HLTF: variants seen among roughly 807,000 people sequenced by gnomAD.
HLTF encodes helicase like transcription factor, also known as DNA-dependent ATPase/E3 ubiquitin-protein ligase HLTF.
In HLTF, 127 loss-of-function variants were observed where a neutral mutation model predicts 129.4. That is an observed-to-expected ratio of 0.98 (90% CI 0.85 to 1.14). HLTF has a LOEUF of 1.14. Ranked by LOEUF, HLTF falls within the 50% of genes most tolerant of loss-of-function variation. The pLI is 0.00. For missense variants in HLTF, 1,139 were observed against 1,187.1 expected, an observed-to-expected ratio of 0.96 and a Z score of 0.60; for synonymous variants, 332 against 388.8, an observed-to-expected ratio of 0.85 and a Z score of 1.72.
At chr3:149,037,862 CT>C (rs375452014) in intron 23 of HLTF, among the ~76,000 whole-genome samples, 133 of 152,268 alleles carry the variant, frequency 8.7e-4, no homozygotes, top group African/African-American at 3.1e-3. Flanking sequence ...CAAACAGCCC[CT>C]TTGTACACGT....
chr3:149,075,952 A>C lies in HLTF; in HGVS notation c.324T>G (p.Val108=), dbSNP rs768433348. 1.9e-6 allele frequency: 3 copies of C among 1,595,490 alleles called. No individual in the cohort carries two copies. The highest frequency in any genetic ancestry group is 2.2e-5 in the South Asian group (2 of 90,518). Reference sequence around the variant, plus strand: ...CTGCAAGCTCTTTCTTTAAATGGCCAACTTGATTTCCATTCACATTGTTTA... The same window carrying C: ...CTGCAAGCTCTTTCTTTAAATGGCCCACTTGATTTCCATTCACATTGTTTA... ...IKVNNVNGNQ[V]GHLKKELAGA... is the part of the protein sequence containing the mutation. The change falls in exon 3 of 25, where the codon GTT becomes GTG. Residue 108 remains valine (V), a synonymous_variant. Transcript: ENST00000310053.
chr3:149,062,916 A>G, intron 10 of HLTF: 1 of 245,036 alleles, frequency 4.1e-6, no homozygotes. Flanking sequence ...CATTTCTTTT[A>G]TAGGTCAGTA....
intron 1 of HLTF, 92 bp downstream of exon 1, chr3:149,086,225 G>A (rs1720402514): frequency 1.5e-6 from 2 of 1,323,410 alleles, no homozygotes; most frequent in South Asian, 1.2e-5. Context: ...AAATCGCCCA[G>A]GGAACGCAGA....
rs145953454 is a variant in HLTF, at chr3:149,043,699, G to T, written c.2073-1409C>A. Among the ~76,000 whole-genome samples, 570 of 152,228 alleles carry T rather than the reference G, an allele frequency of 3.7e-3. 4 individuals are homozygous for T. The highest frequency in any genetic ancestry group is 0.013 in the African/African-American group (537 of 41,562). The stretch of plus-strand genomic sequence containing the variant: ...GATATTTAAGTATTTTAAGGCAACA[G>T]AAGAAATATAGCCTAACGGCTAAGA... On this transcript the variant is annotated intron_variant, in intron 18 of 24. Transcript: ENST00000310053.
rs1716760768 is a variant in HLTF at position 149,048,881 on chromosome 3, TTTCTGA to T, written c.1732_1737del (p.Ser578_Glu579del). ...TGATTACCTGTCAAAACCCATCTTCTTTCTGATTCTAAGTCAAGTACAGCTTTTGTC... is the reference window on the plus strand; with the variant it reads ...TGATTACCTGTCAAAACCCATCTTCTTTCTAAGTCAAGTACAGCTTTTGTC... On this transcript the variant is annotated inframe_deletion, in exon 16 of 25. Transcript: ENST00000310053. The T allele has an allele frequency of 6.2e-7, 1 of 1,613,322 alleles. No individual in the cohort carries two copies. Among genetic ancestry groups the T allele is most frequent in the African/African-American group, 1.3e-5 (1 of 74,912 alleles).
rs148206552 is a variant in HLTF, at chr3:149,063,462, T to G, written c.1129A>C (p.Met377Leu). The stretch of plus-strand genomic sequence containing the variant: ...GGGCGGGAGCTAGACAATTCTGACA[T>G]GCGAAACTTACTCTTCTCCTTGATA... The part of the protein sequence containing the change: ...SDIKEKSKFR[M>L]SELSSSRPKR... The change falls in exon 10 of 25, where the codon ATG becomes CTG. Residue 377 changes from methionine (M) to leucine (L), a missense_variant. Met to Leu is a conservative substitution (Grantham distance 15, BLOSUM62 2). Transcript: ENST00000310053. 9.3e-6 allele frequency: 15 copies of G among 1,609,740 alleles called. No individual in the cohort carries two copies. The highest frequency in any genetic ancestry group is 1.3e-5 in the Non-Finnish European group (15 of 1,176,108).
At chr3:149,083,017 C>T (rs1720004155) in intron 2 of HLTF, among the ~76,000 whole-genome samples, 1 of 151,962 alleles carries the variant, frequency 6.6e-6, no homozygotes, top group Admixed American at 6.6e-5. Context: ...TTTGGAAGGC[C>T]GAGGTGAGTG....
intron 13 of HLTF, among the ~76,000 whole-genome samples, chr3:149,056,249 T>C (rs1162933832): frequency 6.6e-6 from 1 of 152,232 alleles, no homozygotes; most frequent in East Asian, 1.9e-4. Context: ...AGTTTTAGGA[T>C]AATTTGTTAC....
rs530352857 is a variant in HLTF at position 149,076,379 on chromosome 3, T to C, written c.229-332A>G. ...CAACCCTTATTGAGCGCTTACTATG[T>C]GCCAAGCATTGGTCTAAGTACATTG... On this transcript the variant is annotated intron_variant, in intron 2 of 24. Transcript: ENST00000310053. Among the ~76,000 whole-genome samples, 4 of 152,334 alleles carry C rather than the reference T, an allele frequency of 2.6e-5. No homozygotes were observed. The South Asian group carries it at 6.2e-4, about 24-fold the overall frequency.
Position 149,050,377 on chromosome 3 carries a change from T to C in HLTF, c.1474-2A>G. Reference sequence around the variant, plus strand: ...TTTTATATGTTGTCCAAACTGGTCCTAAAGAAAAATTAGGAATATTTTTAA... The same window carrying C: ...TTTTATATGTTGTCCAAACTGGTCCCAAAGAAAAATTAGGAATATTTTTAA... On this transcript the variant is annotated splice_acceptor_variant, in intron 14 of 24. Coordinates refer to ENST00000310053, the MANE Select transcript of HLTF (RefSeq NM_003071.4). LOFTEE classifies it high-confidence loss of function. 1 of 1,551,058 alleles carries C rather than the reference T, an allele frequency of 6.4e-7. No individual in the cohort carries two copies. Among genetic ancestry groups the C allele is most frequent in the South Asian group, 1.2e-5 (1 of 82,174 alleles).
chr3:149,042,166 C>G lies in HLTF; in HGVS notation c.2197G>C (p.Gly733Arg). ...ATATGAAGCAATCAAATTTACCTACCTGAGGGGCCATTGGAAGACACTGCA... is the reference window on the plus strand; with the variant it reads ...ATATGAAGCAATCAAATTTACCTACGTGAGGGGCCATTGGAAGACACTGCA... ...TNAVSSNGPS[G>R]NDTPEELRKK... Residue 733 changes from glycine to arginine, a missense_variant and splice_region_variant, in exon 19 of 25, where the codon GGA becomes CGA. Coordinates refer to ENST00000310053, the MANE Select transcript of HLTF (RefSeq NM_003071.4). 6.2e-7 allele frequency: 1 copy of G among 1,612,836 alleles called. No individual in the cohort carries two copies. The highest frequency in any genetic ancestry group is 8.5e-7 in the Non-Finnish European group (1 of 1,179,066).
At position 149,048,896 on chromosome 3, in the gene HLTF, C is replaced by T; in HGVS notation, c.1723G>A (p.Asp575Asn). Reference sequence around the variant, plus strand: ...ACCCATCTTCTTTCTGATTCTAAGTCAAGTACAGCTTTTGTCTGCTGAGCA... The same window carrying T: ...ACCCATCTTCTTTCTGATTCTAAGTTAAGTACAGCTTTTGTCTGCTGAGCA... ...PNAQQTKAVLDLESERRWVLT... is the reference protein window; with the variant it reads ...PNAQQTKAVLNLESERRWVLT... Residue 575 changes from aspartate (D) to asparagine (N), a missense_variant, in exon 16 of 25, where the codon GAC becomes AAC. Coordinates refer to ENST00000310053, the MANE Select transcript of HLTF (RefSeq NM_003071.4). The T allele has an allele frequency of 6.2e-7, 1 of 1,613,552 alleles. No homozygotes were observed. Among genetic ancestry groups the T allele is most frequent in the Non-Finnish European group, 8.5e-7 (1 of 1,179,628 alleles).
At chr3:149,040,377 TCTGGA>T (rs1417976446) in intron 20 of HLTF, 1 of 441,842 alleles carries the variant, frequency 2.3e-6, no homozygotes, top group African/African-American at 2.1e-5. Flanking sequence ...AAGTATGTGA[TCTGGA>T]CTAGCTAGAA....
chr3:149,057,006 G>A (rs1467350152), intron 13 of HLTF, among the ~76,000 whole-genome samples: 5 of 150,852 alleles, frequency 3.3e-5, no homozygotes, highest in East Asian at 3.9e-4. Context: ...CTACTCGGGA[G>A]GCTGAGGCAG....
At chr3:149,042,016 G>A in intron 19 of HLTF, 150 bp downstream of exon 19, 1 of 658,042 alleles carries the variant, frequency 1.5e-6, no homozygotes. Flanking sequence ...AAAAATTATT[G>A]GATGTATTCC....
At chr3:149,039,256 T>C in intron 22 of HLTF, 27 bp from the exon 23 acceptor site, 1 of 1,420,228 alleles carries the variant, frequency 7.0e-7, no homozygotes, top group Admixed American at 2.6e-5. Context: ...AAGAGACAAG[T>C]AACAAACACT....
rs771912152 is a variant in HLTF, at chr3:149,074,244, T to G, written c.500A>C (p.His167Pro). ...RKAVSDQLKK[H>P]GFKLGPAPKT... ...TGGTGCAGGACCCAATTTAAATCCA[T>G]GTTTCTTCAACTGATCTGAAACCGC... Residue 167 changes from histidine (H) to proline (P), a missense_variant, in exon 4 of 25, where the codon CAT (histidine) becomes CCT (proline). Physicochemically the swap from His to Pro is moderately conservative, Grantham distance 77. Transcript: ENST00000310053. The G allele has an allele frequency of 1.9e-6, 3 of 1,613,438 alleles. No individual in the cohort carries two copies. The Admixed American group carries it at 5.0e-5, about 27-fold the overall frequency.
intron 17 of HLTF, 124 bp downstream of exon 17, chr3:149,047,904 G>T: frequency 1.4e-6 from 1 of 691,366 alleles, no homozygotes; most frequent in Non-Finnish European, 2.3e-6. Flanking sequence ...AAGGTACTGA[G>T]CCATAAACAC....
chr3:149,051,128 G>A (rs1487391839), intron 14 of HLTF, among the ~76,000 whole-genome samples: 1 of 151,698 alleles, frequency 6.6e-6, no homozygotes, highest in Non-Finnish European at 1.5e-5. Context: ...AGACTGATAG[G>A]ACTTGGGGAC....
Sources: allele counts gnomAD v4.1 joint callset (sites outside exome capture counted in the v4.1 genomes callset), GRCh38; gene constraint gnomAD v4.1.1; transcripts MANE v1.5; gene names NCBI Gene and HGNC (gene_info 2026-07-23, HGNC 2026-07-21).